Variants in TRPM3 observed in about 807,000 individuals in gnomAD.
The protein encoded by TRPM3 is transient receptor potential cation channel subfamily M member 3.
In TRPM3, 77 loss-of-function variants were observed where a neutral mutation model predicts 181.2. The ratio of observed to expected loss-of-function variants is 0.42; its 90% confidence interval spans 0.35 to 0.51. The LOEUF (loss-of-function observed/expected upper bound fraction) is 0.51. Ranked by LOEUF, TRPM3 falls within the 20% of genes least tolerant of loss-of-function variation. The probability of loss-of-function intolerance (pLI) is 0.01; values close to 1 mark genes in which losing one functional copy is unlikely to be tolerated. For missense variants in TRPM3, 1,759 were observed against 2,196.7 expected (o/e 0.80, Z 3.98); for synonymous variants, 745 against 796.4 (o/e 0.94, Z 1.09).
At chr9:71,035,145 T>C (rs927765021) in intron 1 of TRPM3, among the ~76,000 whole-genome samples, 3 of 152,170 alleles carry the variant, frequency 2.0e-5, no homozygotes, top group African/African-American at 7.2e-5. Flanking sequence ...CCTAAATTCA[T>C]TGCTTTTTCG....
intron 9 of TRPM3, among the ~76,000 whole-genome samples, chr9:70,663,636 T>C (rs1004164822): frequency 3.3e-5 from 5 of 152,254 alleles, no homozygotes; most frequent in African/African-American, 1.2e-4. Flanking sequence ...ATTTTAAGAT[T>C]GTTTTACACA....
intron 7 of TRPM3, among the ~76,000 whole-genome samples, chr9:70,765,474 C>T (rs992432745): frequency 1.2e-4 from 19 of 152,026 alleles, no homozygotes; most frequent in African/African-American, 4.3e-4. Flanking sequence ...GCCTGTAATC[C>T]CAGCTACTCA....
intron 6 of TRPM3, among the ~76,000 whole-genome samples, chr9:70,820,756 G>A (rs1384155351): frequency 6.6e-6 from 1 of 152,028 alleles, no homozygotes; most frequent in East Asian, 1.9e-4. Context: ...CCATCTGTAA[G>A]CTAGGGAATT....
intron 1 of TRPM3, among the ~76,000 whole-genome samples, chr9:71,257,534 A>G (rs1239206608): frequency 1.3e-5 from 2 of 152,236 alleles, no homozygotes; most frequent in East Asian, 3.8e-4. Context: ...AAAACATTAT[A>G]TATGAGATAT....
At chr9:70,567,961 TGA>T (rs1376106275) in intron 22 of TRPM3, among the ~76,000 whole-genome samples, 3 of 151,482 alleles carry the variant, frequency 2.0e-5, no homozygotes, top group South Asian at 2.1e-4. Flanking sequence ...AAGAGAGAGA[TGA>T]GAGAGAAAAA....
intron 1 of TRPM3, among the ~76,000 whole-genome samples, chr9:71,103,814 A>G (rs758160622): frequency 2.6e-5 from 4 of 152,190 alleles, no homozygotes; most frequent in Non-Finnish European, 4.4e-5. Flanking sequence ...GAATTCATGA[A>G]TCAACTTATG....
intron 1 of TRPM3, among the ~76,000 whole-genome samples, chr9:71,421,648 A>G (rs760212355): frequency 3.9e-5 from 6 of 152,002 alleles, no homozygotes; most frequent in Admixed American, 1.3e-4. Flanking sequence ...CAGACATCAT[A>G]GGGTATACTC....
intron 1 of TRPM3, among the ~76,000 whole-genome samples, chr9:71,309,091 A>G (rs2087666693): frequency 6.6e-6 from 1 of 152,196 alleles, no homozygotes; most frequent in Non-Finnish European, 1.5e-5. Flanking sequence ...TGGGAGATAC[A>G]AACACATCAC....
intron 1 of TRPM3, among the ~76,000 whole-genome samples, chr9:71,273,349 C>T (rs2083949279): frequency 6.6e-6 from 1 of 152,092 alleles, no homozygotes; most frequent in African/African-American, 2.4e-5. Context: ...ATAATTTTGA[C>T]AAGAAACATG....
rs548858131 is a variant in TRPM3, at chr9:71,181,001, T to C, written c.183+265652A>G. ...GTTCCTGAAGGCTCTTGAGTGTTTA[T>C]TTTCTTTATGATAATATAGTCACAA... On this transcript the variant is annotated intron_variant, in intron 1 of 24. Coordinates refer to the TRPM3 transcript ENST00000357533. Among the ~76,000 whole-genome samples, 3 of 152,280 alleles carry C rather than the reference T, an allele frequency of 2.0e-5. No individual in the cohort carries two copies. The East Asian group carries it at 5.8e-4, about 29-fold the overall frequency.
intron 1 of TRPM3, among the ~76,000 whole-genome samples, chr9:71,207,353 G>A (rs1340144869): frequency 6.6e-6 from 1 of 151,980 alleles, no homozygotes; most frequent in Non-Finnish European, 1.5e-5. Context: ...ATTTCTCACT[G>A]TAATTCCTAG....
chr9:70,898,531 C>A (rs1431363561), intron 1 of TRPM3, among the ~76,000 whole-genome samples: 2 of 150,410 alleles, frequency 1.3e-5, no homozygotes, highest in African/African-American at 2.4e-5. Context: ...GGGCGGATCA[C>A]GAGGCCAGGA....
chr9:70,830,244 A>C (rs889321032), intron 5 of TRPM3, among the ~76,000 whole-genome samples: 1 of 152,232 alleles, frequency 6.6e-6, no homozygotes, highest in African/African-American at 2.4e-5. Flanking sequence ...TTTTCAAATG[A>C]ATAAAGGAAT....
At chr9:70,688,523 T>C (rs768364289) in intron 8 of TRPM3, among the ~76,000 whole-genome samples, 8 of 152,160 alleles carry the variant, frequency 5.3e-5, no homozygotes, top group Non-Finnish European at 1.2e-4. Context: ...CTCCTACTTA[T>C]TAGTGAAAAC....
At chr9:71,120,507 G>A (rs1209919352) in intron 1 of TRPM3, among the ~76,000 whole-genome samples, 2 of 152,172 alleles carry the variant, frequency 1.3e-5, no homozygotes, top group Non-Finnish European at 2.9e-5. Context: ...CTCAGGTGTA[G>A]TGCCATTCTT....
At chr9:71,298,849 G>T (rs1202894794) in intron 1 of TRPM3, among the ~76,000 whole-genome samples, 1 of 151,976 alleles carries the variant, frequency 6.6e-6, no homozygotes, top group Non-Finnish European at 1.5e-5. Context: ...TAAGGAAAAA[G>T]ACACCAAATC....
chr9:71,381,476 G>T (rs1459352283), intron 1 of TRPM3, among the ~76,000 whole-genome samples: 1 of 152,136 alleles, frequency 6.6e-6, no homozygotes, highest in Non-Finnish European at 1.5e-5. Context: ...TTCAAATAGT[G>T]ATTAAGTGGA....
At chr9:71,129,595 C>G (rs984750537) in intron 1 of TRPM3, among the ~76,000 whole-genome samples, 2 of 152,110 alleles carry the variant, frequency 1.3e-5, no homozygotes, top group Non-Finnish European at 2.9e-5. Context: ...CAGAAGGTCA[C>G]GTGGGTGGTA....
intron 1 of TRPM3, among the ~76,000 whole-genome samples, chr9:71,335,863 T>C (rs147566830): frequency 4.3e-4 from 66 of 152,232 alleles, no homozygotes; most frequent in African/African-American, 1.5e-3. Flanking sequence ...ATACGATCCT[T>C]TTTGGCATCT....
Sources: gnomAD v4.1 joint callset for allele counts (sites outside exome capture counted in the v4.1 genomes callset) on GRCh38, gnomAD v4.1.1 for gene constraint, MANE v1.5 for transcripts, NCBI Gene and HGNC (gene_info 2026-07-23, HGNC 2026-07-21) for gene names.